The following PYGO1 variants were observed in gnomAD, a reference collection of about 807,000 sequenced individuals.
PYGO1 encodes the protein pygopus homolog 1.
PYGO1 carries 6 observed loss-of-function variants against 29.5 expected under a neutral mutation model. That is an observed-to-expected ratio of 0.20 (90% CI 0.11 to 0.40). The LOEUF (loss-of-function observed/expected upper bound fraction) is 0.40. Ranked by LOEUF, PYGO1 falls within the 10% of genes least tolerant of loss-of-function variation. The pLI is 1.00. For synonymous variants in PYGO1, 186 were observed against 180.5 expected (o/e 1.03, Z -0.24); for missense variants, 515 against 514.9 (o/e 1.00, Z 0.00).
intron 1 of PYGO1, among the ~76,000 whole-genome samples, chr15:55,552,176 G>A (rs560098121): frequency 2.0e-4 from 30 of 151,604 alleles, no homozygotes; most frequent in Non-Finnish European, 4.0e-4. Context: ...CAAACATGGC[G>A]AAACCCCGTC....
intron 1 of PYGO1, among the ~76,000 whole-genome samples, chr15:55,586,774 A>G (rs142614342): frequency 6.6e-6 from 1 of 152,294 alleles, no homozygotes; most frequent in Non-Finnish European, 1.5e-5. Context: ...AACATTATCT[A>G]CCAGGTGAGC....
chr15:55,555,670 T>A (rs984004538), intron 1 of PYGO1, among the ~76,000 whole-genome samples: 5 of 151,902 alleles, frequency 3.3e-5, no homozygotes, highest in African/African-American at 1.2e-4. Flanking sequence ...ACTTAAAGTA[T>A]AATAATAAAA....
rs902037035 is a variant in PYGO1 at position 55,540,869 on chromosome 15, G to T, written c.*5154C>A. The T allele has an allele frequency of 6.6e-6, 1 of 151,968 alleles. No homozygotes were observed. The highest frequency in any genetic ancestry group is 1.5e-5 in the Non-Finnish European group (1 of 67,968). The allele number at this position is 151,968 out of a possible 1,614,324, so 9.4% of individuals were successfully genotyped here. A position where few individuals can be genotyped will look rare whatever the true frequency, so the allele number is the denominator to read the frequency against. Reference sequence around the variant, plus strand: ...GTACTGAACTAATATCCCAAAAAGAGGTATATGTAAACAGTACATAAGGAA... The same window carrying T: ...GTACTGAACTAATATCCCAAAAAGATGTATATGTAAACAGTACATAAGGAA... On this transcript the variant is annotated 3_prime_UTR_variant, in exon 3 of 3. Coordinates refer to ENST00000563719, the MANE Select transcript of PYGO1 (RefSeq NM_001367806.1).
rs1211290129 is a variant in PYGO1, at chr15:55,547,003, C to A, written c.280G>T (p.Gly94Cys). ...LPSSNPYLGP[G>C]YPGFGGYSTF... The stretch of plus-strand genomic sequence containing the variant: ...CTATAGCCTCCAAAGCCAGGATAAC[C>A]AGGGCCAAGATATGGATTTGACGAA... Residue 94 changes from glycine to cysteine, a missense_variant, in exon 3 of 3, where the codon GGT becomes TGT. Gly to Cys is a radical substitution (Grantham distance 159). Transcript: ENST00000563719. 1.9e-6 allele frequency: 3 copies of A among 1,613,834 alleles called. No homozygotes were observed. The highest frequency in any genetic ancestry group is 1.3e-5 in the African/African-American group (1 of 74,848).
At chr15:55,562,801 C>T (rs557777237) in intron 1 of PYGO1, among the ~76,000 whole-genome samples, 2 of 152,154 alleles carry the variant, frequency 1.3e-5, no homozygotes, top group South Asian at 4.2e-4. Flanking sequence ...GAATACTATA[C>T]AGCCAAAAAA....
chr15:55,549,020 T>A, intron 1 of PYGO1, 25 bp from the exon 2 acceptor site: 5 of 1,529,448 alleles, frequency 3.3e-6, no homozygotes, highest in Non-Finnish European at 4.5e-6. Context: ...ATTCAGGTAA[T>A]ATTTCCCACT....
intron 1 of PYGO1, among the ~76,000 whole-genome samples, chr15:55,585,048 T>C (rs1440523801): frequency 6.6e-6 from 1 of 152,240 alleles, no homozygotes; most frequent in Non-Finnish European, 1.5e-5. Context: ...TCACAAGTGA[T>C]TATGATGCTT....
intron 1 of PYGO1, among the ~76,000 whole-genome samples, chr15:55,555,425 A>T (rs938085005): frequency 6.6e-6 from 1 of 150,754 alleles, no homozygotes; most frequent in African/African-American, 2.4e-5. Flanking sequence ...ATGACCAATG[A>T]AGCAACCACA....
intron 1 of PYGO1, among the ~76,000 whole-genome samples, chr15:55,565,174 C>T (rs575482283): frequency 1.1e-4 from 16 of 151,918 alleles, no homozygotes; most frequent in Non-Finnish European, 1.3e-4. Flanking sequence ...ACAGCCCAAT[C>T]GAGGGATTAA....
At chr15:55,570,397 A>G (rs1053644785) in intron 1 of PYGO1, among the ~76,000 whole-genome samples, 11 of 152,158 alleles carry the variant, frequency 7.2e-5, no homozygotes, top group African/African-American at 2.7e-4. Context: ...ATTTATCAAA[A>G]ATATCTAAAC....
At chr15:55,567,580 T>C (rs1365321326) in intron 1 of PYGO1, among the ~76,000 whole-genome samples, 1 of 152,202 alleles carries the variant, frequency 6.6e-6, no homozygotes, top group East Asian at 1.9e-4. Context: ...CTCTGTTGTT[T>C]CTTTTGCTAT....
rs1445782490 is a variant in PYGO1 at position 55,547,121 on chromosome 15, C to G, written c.162G>C (p.Glu54Asp). 1 of 1,604,440 alleles carries G rather than the reference C, an allele frequency of 6.2e-7. No homozygotes were observed. Residue 54 changes from glutamate (E) to aspartate (D), a missense_variant, in exon 3 of 3, where the codon GAG becomes GAC. Coordinates refer to ENST00000563719, the MANE Select transcript of PYGO1 (RefSeq NM_001367806.1). ...TQGPSFPPLSEYAPPPNPNSD... is the reference protein window; with the variant it reads ...TQGPSFPPLSDYAPPPNPNSD... ...AGTTTGGATTCGGTGGTGGAGCATA[C>G]TCAGACAATGGAGGGAAAGAAGGTC...
At chr15:55,566,180 G>T (rs2058955571) in intron 1 of PYGO1, among the ~76,000 whole-genome samples, 1 of 152,104 alleles carries the variant, frequency 6.6e-6, no homozygotes. Flanking sequence ...AAATGATCCT[G>T]TCACCCAGGT....
At chr15:55,563,747 C>A (rs1036837438) in intron 1 of PYGO1, among the ~76,000 whole-genome samples, 8 of 152,144 alleles carry the variant, frequency 5.3e-5, no homozygotes, top group African/African-American at 1.7e-4. Flanking sequence ...ATCCCTCACC[C>A]AGCCAAAGGT....
chr15:55,554,507 G>A (rs551590028), intron 1 of PYGO1, among the ~76,000 whole-genome samples: 1 of 141,958 alleles, frequency 7.0e-6, no homozygotes, highest in Non-Finnish European at 1.5e-5. Flanking sequence ...AGAAAGAACT[G>A]GGCTGAGGCT....
intron 1 of PYGO1, among the ~76,000 whole-genome samples, chr15:55,549,993 T>A (rs2058871610): frequency 6.6e-6 from 1 of 152,206 alleles, no homozygotes; most frequent in African/African-American, 2.4e-5. Flanking sequence ...TTTCAGAATG[T>A]ATTTCTAAAA....
intron 1 of PYGO1, among the ~76,000 whole-genome samples, chr15:55,567,541 T>C (rs2058962259): frequency 6.6e-6 from 1 of 152,204 alleles, no homozygotes; most frequent in African/African-American, 2.4e-5. Context: ...TTTGTGAATA[T>C]ATTCTCCCTT....
chr15:55,557,935 G>C (rs928673706), intron 1 of PYGO1, among the ~76,000 whole-genome samples: 12 of 152,182 alleles, frequency 7.9e-5, no homozygotes, highest in African/African-American at 2.2e-4. Flanking sequence ...ACTGGCACAA[G>C]ACAGGGATGC....
rs2059054501 is a variant in PYGO1, at chr15:55,587,709, C to T, written c.49+126G>A. ...GGATCGCAGCCTCGGCCCCGGGGTG[C>T]CGGCGGGACGCGGGCTGCGCGGACT... On this transcript the variant is annotated intron_variant, in intron 1 of 2. Coordinates refer to ENST00000563719, the MANE Select transcript of PYGO1 (RefSeq NM_001367806.1). 3.4e-6 allele frequency: 4 copies of T among 1,191,206 alleles called. No individual in the cohort carries two copies. In the African/African-American group the frequency reaches 6.4e-5, roughly 19 times the overall value. The allele number at this position is 1,191,206 out of a possible 1,614,324, so 73.8% of individuals were successfully genotyped here. A position where few individuals can be genotyped will look rare whatever the true frequency, so the allele number is the denominator to read the frequency against.
Sources: allele counts gnomAD v4.1 joint callset (sites outside exome capture counted in the v4.1 genomes callset), GRCh38; gene constraint gnomAD v4.1.1; transcripts MANE v1.5; gene names NCBI Gene and HGNC (gene_info 2026-07-23, HGNC 2026-07-21).